SVOP: variants seen among roughly 807,000 people sequenced by gnomAD.
The protein encoded by SVOP is synaptic vesicle 2-related protein.
SVOP carries 17 observed loss-of-function variants against 69.1 expected under a neutral mutation model. That is an observed-to-expected ratio of 0.25 (90% CI 0.17 to 0.37). The LOEUF is 0.37. Ranked by LOEUF, SVOP falls within the 10% of genes least tolerant of loss-of-function variation. The pLI is 1.00. For synonymous variants in SVOP, 238 were observed against 238.6 expected, an observed-to-expected ratio of 1.00 and a Z score of 0.02; for missense variants, 435 against 597.5, an observed-to-expected ratio of 0.73 and a Z score of 2.84.
chr12:108,944,487 A>G (rs2039911428), intron 7 of SVOP, among the ~76,000 whole-genome samples: 1 of 152,162 alleles, frequency 6.6e-6, no homozygotes, highest in Non-Finnish European at 1.5e-5. Flanking sequence ...CATAGTCATC[A>G]CTGTTGGAAT....
At chr12:109,011,392 C>T (rs908753543) in intron 1 of SVOP, among the ~76,000 whole-genome samples, 6 of 152,186 alleles carry the variant, frequency 3.9e-5, no homozygotes, top group Non-Finnish European at 8.8e-5. Flanking sequence ...CAGGCTATTA[C>T]AATAACTCCC....
intron 1 of SVOP, among the ~76,000 whole-genome samples, chr12:108,994,906 G>A (rs1311311086): frequency 6.6e-6 from 1 of 152,180 alleles, no homozygotes; most frequent in East Asian, 1.9e-4. Flanking sequence ...GGAGGCCAAG[G>A]TGAGAGAATT....
intron 11 of SVOP, among the ~76,000 whole-genome samples, chr12:108,929,400 C>T (rs1199952073): frequency 6.6e-6 from 1 of 152,130 alleles, no homozygotes; most frequent in African/African-American, 2.4e-5. Flanking sequence ...CACCTCACTG[C>T]AGCTTTGACT....
chr12:108,921,188 G>T (rs1006625654), intron 12 of SVOP, among the ~76,000 whole-genome samples: 3 of 152,212 alleles, frequency 2.0e-5, no homozygotes, highest in Non-Finnish European at 4.4e-5. Context: ...CAGAAATGGA[G>T]ATTGCAAATG....
Position 108,943,473 on chromosome 12 carries a change from C to T in SVOP, c.642+1630G>A, listed in dbSNP as rs569359979. 3.3e-5 allele frequency among the ~76,000 whole-genome samples: 5 copies of T among 151,936 alleles called. 1 individual carries two copies. Among genetic ancestry groups the T allele is most frequent in the African/African-American group, 1.2e-4 (5 of 41,440 alleles). The stretch of plus-strand genomic sequence containing the variant: ...AATTAGCCAGGCGTGGTGGTGGGCA[C>T]CTGTAATCCCAGCTACTCAGGAGGC... On this transcript the variant is annotated intron_variant, in intron 7 of 15. Transcript: ENST00000610966.
In SVOP at chr12:108,915,806, G is replaced by A. The variant is rs769713726; in HGVS notation, c.1417C>T (p.Leu473Phe). ...ACCTGGGCGATGAACGGAGTGATGA[G>A]AGCACCCACTCTTGCCATGCCGCTG... ...TCSGMARVGA[L>F]ITPFIAQVML... Residue 473 changes from leucine to phenylalanine, a missense_variant, in exon 15 of 16, where the codon CTC becomes TTC. By Grantham distance (22) the Leu-to-Phe change is conservative (BLOSUM62 0). Coordinates refer to ENST00000610966, the MANE Select transcript of SVOP (RefSeq NM_018711.5). The A allele has an allele frequency of 6.2e-7, 1 of 1,607,794 alleles. No homozygotes were observed. The highest frequency in any genetic ancestry group is 8.5e-7 in the Non-Finnish European group (1 of 1,177,528).
At chr12:108,931,949 A>G (rs2039822484) in intron 11 of SVOP, among the ~76,000 whole-genome samples, 1 of 152,192 alleles carries the variant, frequency 6.6e-6, no homozygotes, top group Non-Finnish European at 1.5e-5. Context: ...TCATATCCAT[A>G]AAGCTCTGAG....
At chr12:109,001,196 C>T (rs2040267231) in intron 1 of SVOP, among the ~76,000 whole-genome samples, 1 of 61,248 alleles carries the variant, frequency 1.6e-5, no homozygotes, top group Admixed American at 2.1e-4. Flanking sequence ...CATGAGTGAA[C>T]TCCCATTCAC....
intron 15 of SVOP, among the ~76,000 whole-genome samples, chr12:108,914,419 A>G (rs2137384263): frequency 6.6e-6 from 1 of 152,328 alleles, no homozygotes; most frequent in South Asian, 2.1e-4. Context: ...AAAAAGCAAA[A>G]AGACTTACTA....
rs566822099 is a variant in SVOP at position 109,012,297 on chromosome 12, C to T, written c.35+8537G>A. On this transcript the variant is annotated intron_variant, in intron 1 of 15. Coordinates refer to ENST00000610966, the MANE Select transcript of SVOP (RefSeq NM_018711.5). ...GACTGTCTCAGAAAAAAAAAAAAAT[C>T]AGTTAGACAGGAGAAATAGGTTCAA... Among the ~76,000 whole-genome samples the T allele has an allele frequency of 4.8e-4, 72 of 150,688 alleles. 1 individual carries two copies. Among genetic ancestry groups the T allele is most frequent in the Non-Finnish European group, 8.6e-4 (58 of 67,520 alleles).
intron 1 of SVOP, among the ~76,000 whole-genome samples, chr12:109,006,775 G>C (rs2040310742): frequency 6.6e-6 from 1 of 152,180 alleles, no homozygotes. Context: ...GGCCTGATTG[G>C]TTTGTATAGG....
At chr12:108,985,290 GAAGA>G (rs2040160675) in intron 1 of SVOP, among the ~76,000 whole-genome samples, 1 of 135,162 alleles carries the variant, frequency 7.4e-6, no homozygotes, top group Admixed American at 7.3e-5. Flanking sequence ...GAAGAAAGAA[GAAGA>G]AAGAGAGAGA....
chr12:108,988,155 G>A (rs1212829146), intron 1 of SVOP, among the ~76,000 whole-genome samples: 2 of 151,962 alleles, frequency 1.3e-5, no homozygotes, highest in Non-Finnish European at 2.9e-5. Context: ...GAACTCCTGA[G>A]CTAAAGCGAT....
chr12:108,994,479 G>A (rs547935459), intron 1 of SVOP, among the ~76,000 whole-genome samples: 236 of 152,290 alleles, frequency 1.5e-3, no homozygotes, highest in Middle Eastern at 6.8e-3. Flanking sequence ...GGGTGACATG[G>A]TGAACTCTGT....
chr12:108,986,565 C>T (rs1001725009), intron 1 of SVOP, among the ~76,000 whole-genome samples: 5 of 152,166 alleles, frequency 3.3e-5, no homozygotes, highest in African/African-American at 1.2e-4. Context: ...TTACTTGAAG[C>T]CATCCTGTCT....
intron 11 of SVOP, among the ~76,000 whole-genome samples, chr12:108,925,253 G>A (rs2039773271): frequency 6.6e-6 from 1 of 152,152 alleles, no homozygotes; most frequent in Admixed American, 6.5e-5. Flanking sequence ...CTCCTTGCTT[G>A]GCATCCTGCA....
intron 1 of SVOP, among the ~76,000 whole-genome samples, chr12:109,015,236 C>T (rs1231253845): frequency 2.0e-5 from 3 of 151,930 alleles, no homozygotes; most frequent in Non-Finnish European, 4.4e-5. Flanking sequence ...GAGGCAGCAG[C>T]ATGAATGGGT....
At chr12:108,990,825 G>A (rs922159370) in intron 1 of SVOP, among the ~76,000 whole-genome samples, 2 of 152,154 alleles carry the variant, frequency 1.3e-5, no homozygotes, top group African/African-American at 4.8e-5. Flanking sequence ...GAACTCCCAC[G>A]GGGCTGGTCA....
At chr12:108,971,890 C>CA in intron 5 of SVOP, among the ~76,000 whole-genome samples, 1 of 152,006 alleles carries the variant, frequency 6.6e-6, no homozygotes, top group East Asian at 1.9e-4. Flanking sequence ...CCCATTTCTA[C>CA]AAAAAATACA....
Sources: gnomAD v4.1 joint callset for allele counts (sites outside exome capture counted in the v4.1 genomes callset) on GRCh38, gnomAD v4.1.1 for gene constraint, MANE v1.5 for transcripts, NCBI Gene and HGNC (gene_info 2026-07-23, HGNC 2026-07-21) for gene names.